DNHD1: variants seen among roughly 807,000 people sequenced by gnomAD.
DNHD1 encodes dynein heavy chain domain 1, also known as dynein heavy chain domain-containing protein 1.
Under a neutral mutation model 458.1 loss-of-function variants are expected in DNHD1, and 383 were observed. The ratio of observed to expected loss-of-function variants is 0.84; its 90% CI spans 0.77 to 0.91. The LOEUF is 0.91. Among genes scored for constraint, DNHD1 ranks in the 40% least tolerant of loss-of-function variants. The probability of loss-of-function intolerance (pLI) is 0.00; values close to 1 mark genes in which losing one functional copy is unlikely to be tolerated. For synonymous variants in DNHD1, 2,203 were observed against 2,376.9 expected (o/e 0.93, Z 2.13); for missense variants, 5,336 against 5,866.1 (o/e 0.91, Z 2.95).
At position 6,509,104 on chromosome 11, in the gene DNHD1, G is replaced by T. The variant is rs767413450; in HGVS notation, c.1124+21G>T. 2.5e-6 allele frequency: 4 copies of T among 1,614,118 alleles called. No individual in the cohort carries two copies. The African/African-American group carries it at 5.3e-5, about 22-fold the overall frequency. On this transcript the variant is annotated intron_variant, in intron 5 of 42. Coordinates refer to ENST00000254579, the MANE Select transcript of DNHD1 (RefSeq NM_144666.3). ...ACCTGGTAGGTAATGACGGATATGT[G>T]ATTTGGGGGGAAATGGATGACAGCA...
chr11:6,571,975 C>A lies in DNHD1; in HGVS notation c.14251C>A (p.Pro4751Thr), dbSNP rs372653037. ...AAGGAGGGTCCATGTGTGCAGCCCA[C>A]CCCTGTCTTGAGCCCGTCTACCAAA... ...VQRRVHVCSP[P>T]LS Residue 4751 changes from proline (P) to threonine (T), a missense_variant, in exon 43 of 43, where the codon CCC becomes ACC. Physicochemically the swap from Pro to Thr is conservative, Grantham distance 38. Transcript: ENST00000254579. This position sits in a 1 kb window ranked among gnomAD's most constrained non-coding sequence, Gnocchi z 5.0. 8 of 1,603,710 alleles carry A rather than the reference C, an allele frequency of 5.0e-6. No homozygotes were observed. In the East Asian group the frequency reaches 1.3e-4, roughly 27 times the overall value.
chr11:6,558,747 G>C, intron 26 of DNHD1, 54 bp downstream of exon 26: 1 of 1,534,268 alleles, frequency 6.5e-7, no homozygotes, highest in South Asian at 1.2e-5. Context: ...TCTAATGAGG[G>C]TTATTACCTA....
At chr11:6,570,523 G>A in intron 41 of DNHD1, 95 bp from the exon 42 acceptor site, 1 of 1,480,140 alleles carries the variant, frequency 6.8e-7, no homozygotes, top group Non-Finnish European at 9.0e-7. Context: ...TGTTATGGGG[G>A]TGATGGCAGT....
chr11:6,516,326 T>A (rs1487890674), intron 7 of DNHD1, among the ~76,000 whole-genome samples: 1 of 150,372 alleles, frequency 6.7e-6, no homozygotes, highest in Non-Finnish European at 1.5e-5. Flanking sequence ...GGAGTTTCAT[T>A]CTTGTCGCCT....
At chr11:6,509,798 T>C (rs2134376737) in intron 6 of DNHD1, among the ~76,000 whole-genome samples, 1 of 152,342 alleles carries the variant, frequency 6.6e-6, no homozygotes, top group East Asian at 1.9e-4. Flanking sequence ...AGGTATATTC[T>C]GTGACAGGAG....
In DNHD1 at chr11:6,566,769, C is replaced by G; in HGVS notation, c.11385+4C>G. 1 of 1,608,296 alleles carries G rather than the reference C, an allele frequency of 6.2e-7. No individual in the cohort carries two copies. The highest frequency in any genetic ancestry group is 8.5e-7 in the Non-Finnish European group (1 of 1,177,200). The stretch of plus-strand genomic sequence containing the variant: ...CAAGGCTGTGGAGGCTGCTGAGGTG[C>G]TTGGGGGCTCAGTCTGTGGGTTGAG... On this transcript the variant is annotated splice_donor_region_variant and intron_variant, in intron 35 of 42. Coordinates refer to ENST00000254579, the MANE Select transcript of DNHD1 (RefSeq NM_144666.3).
At chr11:6,507,419 T>A (rs997100887) in intron 4 of DNHD1, among the ~76,000 whole-genome samples, 1 of 152,250 alleles carries the variant, frequency 6.6e-6, no homozygotes, top group Middle Eastern at 3.2e-3. Context: ...AGTAGGCCAG[T>A]TAGCATAATG....
At chr11:6,544,729 G>A in intron 20 of DNHD1, 58 bp downstream of exon 20, 2 of 1,540,568 alleles carry the variant, frequency 1.3e-6, no homozygotes, top group African/African-American at 1.4e-5. Flanking sequence ...GCAGGGCTCA[G>A]CGTGGGAAAG....
intron 31 of DNHD1, 47 bp from the exon 32 acceptor site, chr11:6,564,286 C>T (rs1167783183): frequency 1.3e-6 from 2 of 1,490,158 alleles, no homozygotes; most frequent in Non-Finnish European, 9.0e-7. Flanking sequence ...TCTGCCTGCA[C>T]CCTCCTCACT....
At chr11:6,519,219 C>A (rs1387250661) in intron 7 of DNHD1, among the ~76,000 whole-genome samples, 1 of 152,202 alleles carries the variant, frequency 6.6e-6, no homozygotes, top group African/African-American at 2.4e-5. Flanking sequence ...TAATTATTAT[C>A]CAGAGTCCAT....
chr11:6,512,417 T>C (rs1048873218), intron 7 of DNHD1, among the ~76,000 whole-genome samples: 19 of 151,674 alleles, frequency 1.3e-4, no homozygotes, highest in Non-Finnish European at 2.4e-4. Flanking sequence ...AGAGATGGGG[T>C]TTCACTGTGT....
chr11:6,538,909 T>C, intron 16 of DNHD1, 99 bp downstream of exon 16: 5 of 1,266,362 alleles, frequency 3.9e-6, no homozygotes, highest in Non-Finnish European at 5.3e-6. Context: ...GAAACACCTT[T>C]CATCCCCAAG....
intron 14 of DNHD1, among the ~76,000 whole-genome samples, chr11:6,534,602 T>C (rs1316522878): frequency 2.0e-5 from 3 of 152,278 alleles, no homozygotes; most frequent in East Asian, 3.9e-4. Flanking sequence ...CAGTGTGGTA[T>C]AGAGAGGAGG....
chr11:6,514,290 G>C (rs1257023822), intron 7 of DNHD1, among the ~76,000 whole-genome samples: 1 of 152,132 alleles, frequency 6.6e-6, no homozygotes, highest in African/African-American at 2.4e-5. Context: ...TTTTAGTGGA[G>C]ACAGGGTTTC....
In DNHD1 at chr11:6,529,031, T is replaced by C; in HGVS notation, c.2257T>C (p.Trp753Arg). 1 of 1,551,332 alleles carries C rather than the reference T, an allele frequency of 6.4e-7. No individual in the cohort carries two copies. The highest frequency in any genetic ancestry group is 1.2e-5 in the South Asian group (1 of 84,038). ...GACGCTGGTGAGCCGCCTGAATGTT[T>C]GGCAGGCCCGTGTCTCCAGTATGCC... is the stretch of plus-strand genomic sequence containing the variant. ...YVTLVSRLNV[W>R]QARVSSMPIE... The change falls in exon 12 of 43, where the codon TGG becomes CGG. Residue 753 changes from tryptophan (W) to arginine (R), a missense_variant. By Grantham distance (101) the Trp-to-Arg change is moderately radical (BLOSUM62 -3). Transcript: ENST00000254579.
At chr11:6,559,902 T>A (rs767255785) in intron 28 of DNHD1, among the ~76,000 whole-genome samples, 16 of 152,216 alleles carry the variant, frequency 1.1e-4, no homozygotes, top group Non-Finnish European at 1.9e-4. Context: ...TGCTCTACAA[T>A]GTTTTTGAGC....
Position 6,566,750 on chromosome 11 carries a change from T to C in DNHD1, c.11370T>C (p.Ala3790=). The change falls in exon 35 of 43, where the codon GCT becomes GCC. Residue 3790 remains alanine, a synonymous_variant. Transcript: ENST00000254579. ...TCAGAGCCCTAGATACCTGCAAGGC[T>C]GTGGAGGCTGCTGAGGTGCTTGGGG... ...LKIRALDTCK[A]VEAAEERLLT... is the part of the protein sequence containing the mutation. 6.2e-7 allele frequency: 1 copy of C among 1,610,456 alleles called. No homozygotes were observed. Among genetic ancestry groups the C allele is most frequent in the Non-Finnish European group, 8.5e-7 (1 of 1,178,292 alleles).
intron 12 of DNHD1, among the ~76,000 whole-genome samples, chr11:6,532,759 T>C (rs1564811131): frequency 6.6e-6 from 1 of 152,196 alleles, no homozygotes; most frequent in Non-Finnish European, 1.5e-5. Flanking sequence ...TGATTGCTCA[T>C]TTGTATGTCT....
chr11:6,570,345 G>T lies in DNHD1; in HGVS notation c.13054G>T (p.Val4352Phe). The T allele has an allele frequency of 1.9e-6, 3 of 1,612,280 alleles. No individual in the cohort carries two copies. Among genetic ancestry groups the T allele is most frequent in the Non-Finnish European group, 2.5e-6 (3 of 1,179,250 alleles). The change falls in exon 41 of 43, where the codon GTC becomes TTC. Residue 4352 changes from valine (V) to phenylalanine (F), a missense_variant. Coordinates refer to ENST00000254579, the MANE Select transcript of DNHD1 (RefSeq NM_144666.3). Reference sequence around the variant, plus strand: ...CCTGAGCCCCAGTAGTGGGAGCTGGGTCCAGCCACACACACCTCAGTCTTT... The same window carrying T: ...CCTGAGCCCCAGTAGTGGGAGCTGGTTCCAGCCACACACACCTCAGTCTTT... ...ACLSPSSGSW[V>F]QPHTPQSLLA... is the part of the protein sequence containing the mutation.
Sources: allele counts gnomAD v4.1 joint callset (sites outside exome capture counted in the v4.1 genomes callset), GRCh38; gene constraint gnomAD v4.1.1; non-coding constraint Gnocchi (gnomAD v3.1); transcripts MANE v1.5; gene names NCBI Gene and HGNC (gene_info 2026-07-23, HGNC 2026-07-21).